Variants in NCOA7 observed in about 807,000 individuals in gnomAD.
NCOA7 encodes the protein nuclear receptor coactivator 7.
Under a neutral mutation model 104.3 loss-of-function variants are expected in NCOA7, and 45 were observed. That is an observed-to-expected ratio of 0.43 (90% CI 0.34 to 0.55). The LOEUF is 0.55. Among genes scored for constraint, NCOA7 ranks in the 20% least tolerant of loss-of-function variants. The pLI is 0.02. For missense variants in NCOA7, 1,041 were observed against 1,119.7 expected (o/e 0.93, Z 1.00); for synonymous variants, 398 against 402.3 (o/e 0.99, Z 0.13).
In NCOA7 at chr6:125,902,042, T is replaced by G. The variant is rs560103529; in HGVS notation, c.2096+11232T>G. On this transcript the variant is annotated intron_variant, in intron 10 of 15. Transcript: ENST00000392477. ...TTCCTCTGCTGAGCCACTCTGCTTC[T>G]CTGCCAGTGGAGCTTGTGGTTTTTA... is the stretch of plus-strand genomic sequence containing the variant. 3.3e-5 allele frequency among the ~76,000 whole-genome samples: 5 copies of G among 152,256 alleles called. No homozygotes were observed. In the East Asian group the frequency reaches 9.6e-4, roughly 29 times the overall value.
intron 6 of NCOA7, 74 bp downstream of exon 6, chr6:125,881,277 T>C: frequency 9.3e-7 from 1 of 1,078,280 alleles, no homozygotes. Flanking sequence ...AACATGTTAT[T>C]TTTCACAAGA....
Position 125,882,453 on chromosome 6 carries a change from A to C in NCOA7, c.601A>C (p.Lys201Gln). 6.2e-7 allele frequency: 1 copy of C among 1,613,652 alleles called. No homozygotes were observed. The highest frequency in any genetic ancestry group is 8.5e-7 in the Non-Finnish European group (1 of 1,179,824). Reference protein sequence around the residue: ...PDADLARKALKPIERVLSSTS... With the variant: ...PDADLARKALQPIERVLSSTS... ...TGCTGACTTAGCACGAAAGGCCTTGAAACCCATTGAAAGAGTCTTATCGTC... is the reference window on the plus strand; with the variant it reads ...TGCTGACTTAGCACGAAAGGCCTTGCAACCCATTGAAAGAGTCTTATCGTC... Residue 201 changes from lysine to glutamine, a missense_variant, in exon 7 of 16, where the codon AAA becomes CAA. Coordinates refer to ENST00000392477, the MANE Select transcript of NCOA7 (RefSeq NM_181782.5).
chr6:125,822,012 G>C (rs1188999991), intron 2 of NCOA7, among the ~76,000 whole-genome samples: 1 of 152,196 alleles, frequency 6.6e-6, no homozygotes. Flanking sequence ...CTAGGAAGCA[G>C]CCATCTCTTT....
chr6:125,817,039 C>T (rs756996539), intron 2 of NCOA7, among the ~76,000 whole-genome samples: 2 of 152,190 alleles, frequency 1.3e-5, no homozygotes, highest in Non-Finnish European at 2.9e-5. Flanking sequence ...CTTTTTCTTC[C>T]CTTCAGCATT....
At position 125,908,685 on chromosome 6, in the gene NCOA7, C is replaced by G. The variant is rs574426058; in HGVS notation, c.2097-6648C>G. Among the ~76,000 whole-genome samples the G allele has an allele frequency of 2.0e-5, 3 of 152,298 alleles. No individual in the cohort carries two copies. In the East Asian group the frequency reaches 5.8e-4, roughly 29 times the overall value. On this transcript the variant is annotated intron_variant, in intron 10 of 15. Transcript: ENST00000392477. ...GGTTGTAGGAATGATGAGTGGTCTT[C>G]ATCAAACAGGGTGTACTCAGTCATA...
upstream of NCOA7, among the ~76,000 whole-genome samples, chr6:125,786,396 A>G (rs548254193): frequency 1.6e-3 from 238 of 152,336 alleles, no homozygotes; most frequent in African/African-American, 5.4e-3. Context: ...CAAGGTCATT[A>G]CTTAACCAGT....
intron 2 of NCOA7, among the ~76,000 whole-genome samples, chr6:125,821,146 A>G (rs559636402): frequency 3.9e-5 from 6 of 152,200 alleles, no homozygotes; most frequent in African/African-American, 1.2e-4. Flanking sequence ...ATCTTTAGCT[A>G]TGATCAGCAT....
Position 125,864,021 on chromosome 6 carries a change from T to TGG in NCOA7, c.271+8788_271+8789dup, listed in dbSNP as rs151147025. Among the ~76,000 whole-genome samples the TGG allele has an allele frequency of 2.0e-3, 274 of 134,570 alleles. 38 individuals carry two copies. Among genetic ancestry groups the TGG allele is most frequent in the Non-Finnish European group, 2.6e-3 (165 of 63,740 alleles). 88.3% of individuals were successfully genotyped at this position (134,570 alleles called of 152,430 possible). The stretch of plus-strand genomic sequence containing the variant: ...GAAGAGTGATGTGGTCAGGTTTTTT[T>TGG]GGGGGGGGCAGTTTGGCTGTTTTTA... On this transcript the variant is annotated intron_variant, in intron 3 of 15. Transcript: ENST00000392477.
At chr6:125,836,741 A>T (rs953926580) in intron 2 of NCOA7, among the ~76,000 whole-genome samples, 1 of 152,226 alleles carries the variant, frequency 6.6e-6, no homozygotes, top group Non-Finnish European at 1.5e-5. Flanking sequence ...TTAAAACCAC[A>T]TAAACAAGTA....
chr6:125,928,397 A>C, intron 15 of NCOA7, 150 bp downstream of exon 15: 1 of 798,092 alleles, frequency 1.3e-6, no homozygotes. Context: ...CTAACACAGA[A>C]TGGCCTAACT....
intron 2 of NCOA7, among the ~76,000 whole-genome samples, chr6:125,832,907 C>T (rs923778107): frequency 3.3e-5 from 5 of 152,194 alleles, no homozygotes; most frequent in African/African-American, 1.2e-4. Context: ...ACTGTTGTGT[C>T]ACAGCATGGC....
At chr6:125,897,766 G>A (rs987030230) in intron 10 of NCOA7, among the ~76,000 whole-genome samples, 1 of 151,866 alleles carries the variant, frequency 6.6e-6, no homozygotes, top group Admixed American at 6.6e-5. Flanking sequence ...TGCAGCCTCC[G>A]TCTCCTGGCT....
chr6:125,926,498 G>T (rs1191871080), intron 13 of NCOA7, among the ~76,000 whole-genome samples: 1 of 152,072 alleles, frequency 6.6e-6, no homozygotes, highest in Admixed American at 6.5e-5. Flanking sequence ...TGCCTATTTT[G>T]ATTGTATTCT....
intron 7 of NCOA7, among the ~76,000 whole-genome samples, chr6:125,883,823 G>A (rs527689884): frequency 3.3e-5 from 5 of 150,240 alleles, no homozygotes; most frequent in Non-Finnish European, 5.9e-5. Flanking sequence ...GGGTTCAAGC[G>A]ATTCCCCTGT....
rs1788416509 is a variant in NCOA7 at position 125,930,723 on chromosome 6, GC to G, written c.*1954del. On this transcript the variant is annotated 3_prime_UTR_variant, in exon 16 of 16. Transcript: ENST00000392477. ...AATGCTATAAAATTTTAAATCTGTA[GC>G]CTGGGTGTACGTTTCACTCAAGTTC... is the stretch of plus-strand genomic sequence containing the variant. 6.6e-6 allele frequency: 1 copy of G among 152,152 alleles called. No individual in the cohort carries two copies. The highest frequency in any genetic ancestry group is 1.5e-5 in the Non-Finnish European group (1 of 68,026). 9.4% of individuals were successfully genotyped at this position (152,152 alleles called of 1,614,324 possible).
At chr6:125,848,325 A>G (rs1478532503) in intron 2 of NCOA7, among the ~76,000 whole-genome samples, 1 of 152,194 alleles carries the variant, frequency 6.6e-6, no homozygotes, top group African/African-American at 2.4e-5. Flanking sequence ...ACTATAAATC[A>G]TGCTGCTATG....
chr6:125,788,736 G>A (rs1037931143), upstream of NCOA7, among the ~76,000 whole-genome samples: 1 of 143,012 alleles, frequency 7.0e-6, no homozygotes, highest in African/African-American at 2.6e-5. Flanking sequence ...TAGAGATGCG[G>A]TTTCACCATG....
At position 125,889,493 on chromosome 6, in the gene NCOA7, G is replaced by C; in HGVS notation, c.1439G>C (p.Gly480Ala). The change falls in exon 9 of 16, where the codon GGG becomes GCG. Residue 480 changes from glycine (G) to alanine (A), a missense_variant. Coordinates refer to ENST00000392477, the MANE Select transcript of NCOA7 (RefSeq NM_181782.5). ...LGTENDVELKGALDLETCEKQ... is the reference protein window; with the variant it reads ...LGTENDVELKAALDLETCEKQ... ...ACAGAGAATGATGTTGAACTGAAGG[G>C]GGCGCTAGATTTAGAAACCTGTGAG... 6.2e-7 allele frequency: 1 copy of C among 1,614,078 alleles called. No individual in the cohort carries two copies. The highest frequency in any genetic ancestry group is 8.5e-7 in the Non-Finnish European group (1 of 1,180,016).
chr6:125,787,188 G>GC (rs1774513644), upstream of NCOA7, among the ~76,000 whole-genome samples: 1 of 151,538 alleles, frequency 6.6e-6, no homozygotes, highest in South Asian at 2.1e-4. Context: ...AGACTCAGGA[G>GC]CCTTTCATTT....
Sources: allele counts gnomAD v4.1 joint callset (sites outside exome capture counted in the v4.1 genomes callset), GRCh38; gene constraint gnomAD v4.1.1; transcripts MANE v1.5; gene names NCBI Gene and HGNC (gene_info 2026-07-23, HGNC 2026-07-21).